Variants in TP63 observed in about 807,000 individuals in gnomAD.
The protein encoded by TP63 is tumor protein 63.
In TP63, 17 loss-of-function variants were observed where a neutral mutation model predicts 82.8. The ratio of observed to expected loss-of-function variants is 0.21; its 90% CI spans 0.14 to 0.31. The LOEUF (loss-of-function observed/expected upper bound fraction) is 0.31, where lower values mean the gene tolerates loss of function less well. Among genes scored for constraint, TP63 ranks in the 10% least tolerant of loss-of-function variants. The pLI is 1.00. For synonymous variants in TP63, 330 were observed against 321.7 expected, an observed-to-expected ratio of 1.03 and a Z score of -0.28; for missense variants, 648 against 895.3, an observed-to-expected ratio of 0.72 and a Z score of 3.52.
intron 3 of TP63, among the ~76,000 whole-genome samples, chr3:189,793,478 C>T (rs1228272542): frequency 1.3e-5 from 2 of 151,966 alleles, no homozygotes; most frequent in Non-Finnish European, 2.9e-5. Context: ...TTAGATTCTG[C>T]GTTCTGCTAT....
chr3:189,813,010 C>A (rs1727741719), intron 4 of TP63, among the ~76,000 whole-genome samples: 1 of 152,182 alleles, frequency 6.6e-6, no homozygotes, highest in Non-Finnish European at 1.5e-5. Context: ...CTTCTGCAGG[C>A]TGGCTCTGCT....
intron 4 of TP63, among the ~76,000 whole-genome samples, chr3:189,862,604 C>G (rs1040302263): frequency 2.5e-4 from 38 of 152,168 alleles, no homozygotes; most frequent in Non-Finnish European, 4.4e-5. Context: ...TAAGGGTCAT[C>G]TTACGAAATT....
chr3:189,626,880 A>G (rs1729330528), upstream of TP63, among the ~76,000 whole-genome samples: 2 of 151,890 alleles, frequency 1.3e-5, no homozygotes, highest in African/African-American at 2.4e-5. Flanking sequence ...ACTGTCTCTT[A>G]TAGTCTGTGA....
intron 9 of TP63, 66 bp downstream of exon 9, chr3:189,869,472 TG>T: frequency 7.2e-7 from 1 of 1,396,594 alleles, no homozygotes; most frequent in Non-Finnish European, 1.0e-6. Context: ...TTTTACAGTA[TG>T]ATCATCATCT....
At chr3:189,622,380 T>C in the TP63 span, among the ~76,000 whole-genome samples, 1 of 152,150 alleles carries the variant, frequency 6.6e-6, no homozygotes, top group Non-Finnish European at 1.5e-5. Context: ...GTCAGGGAAA[T>C]GGGTTAATTT....
chr3:189,673,523 T>C (rs1476744998), intron 1 of TP63, among the ~76,000 whole-genome samples: 1 of 152,104 alleles, frequency 6.6e-6, no homozygotes, highest in African/African-American at 2.4e-5. Context: ...AGTCACATCA[T>C]ATAAATACAA....
chr3:189,755,611 A>G (rs1722130625), intron 3 of TP63, among the ~76,000 whole-genome samples: 1 of 152,192 alleles, frequency 6.6e-6, no homozygotes, highest in Non-Finnish European at 1.5e-5. Context: ...TTTTTAAGAA[A>G]AAAATATTTA....
chr3:189,734,834 C>G (rs544811259), intron 1 of TP63, among the ~76,000 whole-genome samples: 1 of 152,282 alleles, frequency 6.6e-6, no homozygotes, highest in East Asian at 1.9e-4. Flanking sequence ...CTTTTCCAAC[C>G]TGCCTATTCC....
chr3:189,881,070 C>T, intron 10 of TP63: 1 of 985,346 alleles, frequency 1.0e-6, no homozygotes, highest in Non-Finnish European at 1.2e-6. Context: ...TTGAAGCCCT[C>T]TCACAAAATC....
intron 1 of TP63, among the ~76,000 whole-genome samples, chr3:189,683,165 A>G (rs899117426): frequency 4.6e-5 from 7 of 152,198 alleles, no homozygotes; most frequent in African/African-American, 1.4e-4. Flanking sequence ...ATAATTATAA[A>G]GACATTGCCT....
upstream of TP63, among the ~76,000 whole-genome samples, chr3:189,627,331 TC>T (rs1417391199): frequency 6.6e-6 from 1 of 152,140 alleles, no homozygotes; most frequent in Non-Finnish European, 1.5e-5. Context: ...AAACGAGAGA[TC>T]CACAGGTTCA....
intron 1 of TP63, among the ~76,000 whole-genome samples, chr3:189,723,196 A>G (rs1382558452): frequency 6.6e-6 from 1 of 152,146 alleles, no homozygotes; most frequent in Admixed American, 6.6e-5. Context: ...TTACTACTGG[A>G]TTCTCCTTCT....
chr3:189,646,210 C>T (rs9827354), intron 1 of TP63, among the ~76,000 whole-genome samples: 57,985 of 146,026 alleles, frequency 0.4, 14,935 homozygotes, highest in East Asian at 0.55. Flanking sequence ...CAATCTGTAT[C>T]TTAACACAGT....
At chr3:189,772,445 G>A (rs1477803719) in intron 3 of TP63, among the ~76,000 whole-genome samples, 3 of 152,154 alleles carry the variant, frequency 2.0e-5, no homozygotes, top group African/African-American at 4.8e-5. Context: ...AAAATCTCTT[G>A]AAACTAGCTC....
chr3:189,831,441 T>C (rs543568777), intron 4 of TP63, among the ~76,000 whole-genome samples: 40 of 152,222 alleles, frequency 2.6e-4, no homozygotes, highest in Non-Finnish European at 1.2e-4. Context: ...TATGCACAGG[T>C]CATTTTCATT....
chr3:189,677,331 T>TTTATATATAAATATATATAAATAA (rs1715498974), intron 1 of TP63, among the ~76,000 whole-genome samples: 1 of 140,130 alleles, frequency 7.1e-6, no homozygotes, highest in South Asian at 2.2e-4. Context: ...CACACACATA[T>TTTATATATAAATATATATAAATAA]TTATATATAT....
chr3:189,703,533 G>A (rs1046696845), intron 1 of TP63, among the ~76,000 whole-genome samples: 6 of 152,050 alleles, frequency 3.9e-5, no homozygotes, highest in Admixed American at 2.0e-4. Context: ...AAAAGAAAAG[G>A]CAGGTGGCTG....
At chr3:189,744,944 T>C (rs1285073062) in intron 3 of TP63, among the ~76,000 whole-genome samples, 2 of 152,060 alleles carry the variant, frequency 1.3e-5, no homozygotes, top group South Asian at 4.1e-4. Context: ...CCCAGCAAAA[T>C]TCACTACAGC....
chr3:189,879,664 C>T (rs1719691529), intron 10 of TP63, among the ~76,000 whole-genome samples: 1 of 151,870 alleles, frequency 6.6e-6, no homozygotes, highest in African/African-American at 2.4e-5. Flanking sequence ...TCCAGTAAAC[C>T]GTATGCGAAG....
Sources: gnomAD v4.1 joint callset for allele counts (sites outside exome capture counted in the v4.1 genomes callset) on GRCh38, gnomAD v4.1.1 for gene constraint, MANE v1.5 for transcripts, NCBI Gene and HGNC (gene_info 2026-07-23, HGNC 2026-07-21) for gene names.